The following ST3GAL2 variants were observed in gnomAD, a reference collection of about 807,000 sequenced individuals.
The protein encoded by ST3GAL2 is CMP-N-acetylneuraminate-beta-galactosamide-alpha-2,3-sialyltransferase 2.
ST3GAL2 carries 16 observed loss-of-function variants against 37.5 expected under a neutral mutation model. The ratio of observed to expected loss-of-function variants is 0.43; its 90% CI spans 0.29 to 0.65. The LOEUF is 0.65. Ranked by LOEUF, ST3GAL2 falls within the 30% of genes least tolerant of loss-of-function variation. The pLI is 0.17. For missense variants in ST3GAL2, 383 were observed against 487.8 expected, an observed-to-expected ratio of 0.79 and a Z score of 2.02; for synonymous variants, 238 against 202.9, an observed-to-expected ratio of 1.17 and a Z score of -1.47.
At chr16:70,413,173 C>G (rs1286504766) in intron 1 of ST3GAL2, among the ~76,000 whole-genome samples, 1 of 151,850 alleles carries the variant, frequency 6.6e-6, no homozygotes, top group African/African-American at 2.4e-5. Context: ...TCACTTGAAC[C>G]TGGAAGGCGG....
chr16:70,432,382 C>T (rs1370185884), intron 1 of ST3GAL2, among the ~76,000 whole-genome samples: 2 of 152,096 alleles, frequency 1.3e-5, no homozygotes, highest in African/African-American at 4.8e-5. Flanking sequence ...CAAGACAACT[C>T]TGTTCCCTCC....
At chr16:70,423,589 C>T (rs2047730423) in intron 1 of ST3GAL2, among the ~76,000 whole-genome samples, 1 of 152,140 alleles carries the variant, frequency 6.6e-6, no homozygotes, top group Non-Finnish European at 1.5e-5. Context: ...GGGTTCTTGC[C>T]TCAGTTCTTC....
intron 4 of ST3GAL2, among the ~76,000 whole-genome samples, chr16:70,385,880 T>A (rs2047439538): frequency 6.6e-6 from 1 of 151,820 alleles, no homozygotes; most frequent in Admixed American, 6.6e-5. Context: ...CTAATTTTTG[T>A]ATTTTTTGCA....
At chr16:70,410,208 G>A (rs1283896964) in intron 1 of ST3GAL2, among the ~76,000 whole-genome samples, 1 of 127,384 alleles carries the variant, frequency 7.9e-6, no homozygotes. Flanking sequence ...TTCTTTTCCT[G>A]ACTTGGGTTG....
intron 1 of ST3GAL2, among the ~76,000 whole-genome samples, chr16:70,404,610 G>T (rs901345843): frequency 2.6e-5 from 4 of 152,192 alleles, no homozygotes; most frequent in African/African-American, 9.6e-5. Context: ...ATGTGAAATG[G>T]TGCAGTCGCT....
chr16:70,424,872 C>T (rs2047739748), intron 1 of ST3GAL2, among the ~76,000 whole-genome samples: 1 of 152,174 alleles, frequency 6.6e-6, no homozygotes, highest in Non-Finnish European at 1.5e-5. Flanking sequence ...CTCAGCATCT[C>T]TTTTCAAGAT....
chr16:70,422,663 C>G (rs2047723200), intron 1 of ST3GAL2, among the ~76,000 whole-genome samples: 1 of 152,174 alleles, frequency 6.6e-6, no homozygotes, highest in African/African-American at 2.4e-5. Context: ...CTAATACACA[C>G]ATAACGCCAC....
chr16:70,378,331 G>T lies in ST3GAL2; in HGVS notation c.*3358C>A, dbSNP rs2047365672. ...GGGAGGTTGAGGTGGGTGAACTTGGGAGGCGGAGGTTGCAGTGAGCCAAGA... is the reference window on the plus strand; with the variant it reads ...GGGAGGTTGAGGTGGGTGAACTTGGTAGGCGGAGGTTGCAGTGAGCCAAGA... On this transcript the variant is annotated 3_prime_UTR_variant, in exon 7 of 7. Transcript: ENST00000342907. The T allele has an allele frequency of 6.6e-6, 1 of 150,424 alleles. No individual in the cohort carries two copies. Among genetic ancestry groups the T allele is most frequent in the African/African-American group, 2.5e-5 (1 of 40,718 alleles). The allele number at this position is 150,424 out of a possible 1,614,324, so 9.3% of individuals were successfully genotyped here. A position where few individuals can be genotyped will look rare whatever the true frequency, so the allele number is the denominator to read the frequency against.
intron 1 of ST3GAL2, among the ~76,000 whole-genome samples, chr16:70,426,233 G>C (rs1007301571): frequency 3.3e-5 from 4 of 120,804 alleles, no homozygotes; most frequent in African/African-American, 1.3e-4. Context: ...TCACTCTGTC[G>C]CCCAGGCTGG....
chr16:70,426,198 T>TG (rs1439059892), intron 1 of ST3GAL2, among the ~76,000 whole-genome samples: 34 of 141,296 alleles, frequency 2.4e-4, no homozygotes, highest in East Asian at 4.0e-4. Flanking sequence ...TTTTTTTTTT[T>TG]TTTTTTTGTT....
intron 1 of ST3GAL2, among the ~76,000 whole-genome samples, chr16:70,431,989 T>A (rs865941011): frequency 1.3e-4 from 18 of 136,782 alleles, no homozygotes; most frequent in South Asian, 8.4e-4. Context: ...ATATATATTT[T>A]TTTTTAACTT....
intron 6 of ST3GAL2, 149 bp downstream of exon 6, chr16:70,382,656 T>G: frequency 8.3e-7 from 1 of 1,203,874 alleles, no homozygotes; most frequent in South Asian, 1.5e-5. Context: ...AAGGCATATC[T>G]ATACTTTACA....
Position 70,398,658 on chromosome 16 carries a change from G to C in ST3GAL2, c.-128C>G. ...GCATAGGGGCACGTGCTGCAGCAGG[G>C]GACAGTGGCAGGGGTCCCTTGCCAC... On this transcript the variant is annotated 5_prime_UTR_variant, in exon 2 of 7. Transcript: ENST00000342907. The C allele has an allele frequency of 1.1e-6, 1 of 894,292 alleles. No individual in the cohort carries two copies. Among genetic ancestry groups the C allele is most frequent in the Non-Finnish European group, 1.7e-6 (1 of 600,016 alleles). 55.4% of individuals were successfully genotyped at this position (894,292 alleles called of 1,614,324 possible). A position where few individuals can be genotyped will look rare whatever the true frequency, so the allele number is the denominator to read the frequency against.
At chr16:70,397,740 C>T (rs2047526668) in intron 2 of ST3GAL2, among the ~76,000 whole-genome samples, 1 of 151,900 alleles carries the variant, frequency 6.6e-6, no homozygotes, top group South Asian at 2.1e-4. Flanking sequence ...AACAAACAAA[C>T]AAATAAAAAA....
rs192425735 is a variant in ST3GAL2, at chr16:70,396,065, G to A, written c.340-890C>T. 1.4e-3 allele frequency among the ~76,000 whole-genome samples: 215 copies of A among 150,650 alleles called. 1 individual carries two copies. Among genetic ancestry groups the A allele is most frequent in the African/African-American group, 4.3e-3 (176 of 40,988 alleles). Reference sequence around the variant, plus strand: ...TGGCTCACCGCAACCTCCGCCTCCCGGGTTCAAGGGATTCTCCTGCCTCAG... The same window carrying A: ...TGGCTCACCGCAACCTCCGCCTCCCAGGTTCAAGGGATTCTCCTGCCTCAG... On this transcript the variant is annotated intron_variant, in intron 2 of 6. Transcript: ENST00000342907.
chr16:70,392,474 G>T (rs1478397447), intron 3 of ST3GAL2, among the ~76,000 whole-genome samples: 1 of 152,214 alleles, frequency 6.6e-6, no homozygotes, highest in Non-Finnish European at 1.5e-5. Flanking sequence ...GTTAGGACCT[G>T]ATGTTGGCTG....
At chr16:70,400,072 T>A (rs1354049881) in intron 1 of ST3GAL2, 1 of 152,578 alleles carries the variant, frequency 6.6e-6, no homozygotes, top group African/African-American at 2.4e-5. Context: ...AGCTCCGCCG[T>A]TGGGGGAGAA....
chr16:70,417,154 CACACAT>C (rs1412543589), intron 1 of ST3GAL2, among the ~76,000 whole-genome samples: 1 of 152,170 alleles, frequency 6.6e-6, no homozygotes, highest in African/African-American at 2.4e-5. Context: ...TATATAAAGG[CACACAT>C]AAAGCTCTAC....
chr16:70,423,853 G>A (rs891654734), intron 1 of ST3GAL2, among the ~76,000 whole-genome samples: 1 of 150,934 alleles, frequency 6.6e-6, no homozygotes, highest in African/African-American at 2.4e-5. Flanking sequence ...GGCAGATCAC[G>A]AGGTCAGGAG....
Sources: allele counts gnomAD v4.1 joint callset (sites outside exome capture counted in the v4.1 genomes callset), GRCh38; gene constraint gnomAD v4.1.1; transcripts MANE v1.5; gene names NCBI Gene and HGNC (gene_info 2026-07-23, HGNC 2026-07-21).